The following ANK3 variants were observed in gnomAD, a reference collection of about 807,000 sequenced individuals.
ANK3 encodes the protein ankyrin 3.
Under a neutral mutation model 370.9 loss-of-function variants are expected in ANK3, and 57 were observed. The ratio of observed to expected loss-of-function variants is 0.15; its 90% confidence interval spans 0.12 to 0.19. ANK3 has a LOEUF of 0.19. Among genes scored for constraint, ANK3 ranks in the 10% least tolerant of loss-of-function variants. ANK3 has a pLI of 1.00. For missense variants in ANK3, 4,439 were observed against 5,302.1 expected, an observed-to-expected ratio of 0.84 and a Z score of 5.06; for synonymous variants, 1,929 against 1,946.3, an observed-to-expected ratio of 0.99 and a Z score of 0.23.
intron 2 of ANK3, among the ~76,000 whole-genome samples, chr10:60,467,116 A>C (rs1343558459): frequency 6.6e-6 from 1 of 152,230 alleles, no homozygotes. Flanking sequence ...GAAAATATGG[A>C]GAGTGAAACT....
At chr10:60,650,237 G>T (rs1234803453) in intron 1 of ANK3, among the ~76,000 whole-genome samples, 1 of 152,052 alleles carries the variant, frequency 6.6e-6, no homozygotes, top group Non-Finnish European at 1.5e-5. Context: ...TTTTGTAAAC[G>T]AAGTTCTGTT....
In ANK3 at chr10:60,073,379, C is replaced by T. The variant is rs773937543; in HGVS notation, c.7502G>A (p.Arg2501Gln). The T allele has an allele frequency of 9.1e-5, 147 of 1,613,550 alleles. No individual in the cohort carries two copies. The highest frequency in any genetic ancestry group is 1.8e-4 in the East Asian group (8 of 44,886). ...GGCAGTGGCTATTTTTTCTCTGGAC[C>T]GCTTATCAGACCCCTGTAACTCTGA... is the stretch of plus-strand genomic sequence containing the variant. ...PSSELQGSDK[R>Q]SREKIATAPK... The change falls in exon 37 of 44, where the codon CGG becomes CAG. Residue 2501 changes from arginine (R) to glutamine (Q), a missense_variant. Arg to Gln is a conservative substitution (Grantham distance 43). Transcript: ENST00000280772.
intron 2 of ANK3, among the ~76,000 whole-genome samples, chr10:60,573,342 T>C (rs1319648834): frequency 6.6e-6 from 1 of 152,128 alleles, no homozygotes; most frequent in Non-Finnish European, 1.5e-5. Flanking sequence ...ATTTAATCAT[T>C]GGTTTCCTTC....
intron 2 of ANK3, among the ~76,000 whole-genome samples, chr10:60,414,664 A>T (rs1215657167): frequency 2.6e-5 from 4 of 152,174 alleles, no homozygotes; most frequent in Non-Finnish European, 5.9e-5. Context: ...ACTACCAGAG[A>T]AGGGTAGATG....
intron 1 of ANK3, among the ~76,000 whole-genome samples, chr10:60,636,347 A>T (rs1309600780): frequency 1.3e-5 from 2 of 152,210 alleles, no homozygotes; most frequent in Admixed American, 1.3e-4. Context: ...GACTTGACCA[A>T]GATTGCTAAA....
intron 1 of ANK3, among the ~76,000 whole-genome samples, chr10:60,695,773 G>A (rs1213960400): frequency 1.3e-5 from 2 of 152,216 alleles, no homozygotes; most frequent in East Asian, 3.8e-4. Flanking sequence ...GAAATTTATA[G>A]CACTAAATGC....
chr10:60,573,568 C>G (rs905627662), intron 2 of ANK3, among the ~76,000 whole-genome samples: 1 of 152,164 alleles, frequency 6.6e-6, no homozygotes, highest in South Asian at 2.1e-4. Flanking sequence ...ATCCTGAGCC[C>G]CAGGAATCTG....
chr10:60,339,791 TGGAGCGGCAAGA>T (rs1328499764), intron 1 of ANK3, among the ~76,000 whole-genome samples: 2 of 152,204 alleles, frequency 1.3e-5, no homozygotes, highest in African/African-American at 4.8e-5. Flanking sequence ...TAGGAATTAC[TGGAGCGGCAAGA>T]ACAGCAGCAG....
chr10:60,660,433 C>G (rs1465611892), intron 1 of ANK3, among the ~76,000 whole-genome samples: 1 of 152,284 alleles, frequency 6.6e-6, no homozygotes, highest in South Asian at 2.1e-4. Context: ...ATTGTTGCAA[C>G]AGTAATCATA....
chr10:60,456,508 C>T (rs2064750933), intron 2 of ANK3, among the ~76,000 whole-genome samples: 1 of 152,152 alleles, frequency 6.6e-6, no homozygotes, highest in Non-Finnish European at 1.5e-5. Flanking sequence ...CCTGTCCTGA[C>T]ACTATTCGCC....
intron 28 of ANK3, 121 bp from the exon 29 acceptor site, chr10:60,088,479 G>C: frequency 2.3e-6 from 2 of 855,164 alleles, no homozygotes; most frequent in Non-Finnish European, 3.6e-6. Context: ...AGGCTGAAGT[G>C]CAATGGCGTG....
intron 8 of ANK3, among the ~76,000 whole-genome samples, chr10:60,214,786 T>C (rs1185705979): frequency 1.3e-5 from 2 of 152,182 alleles, no homozygotes; most frequent in African/African-American, 4.8e-5. Context: ...GTTGGTTTCA[T>C]GTCTTTGCTA....
intron 2 of ANK3, among the ~76,000 whole-genome samples, chr10:60,528,879 T>A (rs985321237): frequency 1.3e-5 from 2 of 152,002 alleles, no homozygotes; most frequent in Admixed American, 1.3e-4. Flanking sequence ...AGATGCTGAG[T>A]TTTTACTAGT....
chr10:60,263,398 G>A (rs946472406), intron 6 of ANK3, among the ~76,000 whole-genome samples: 3 of 152,182 alleles, frequency 2.0e-5, no homozygotes, highest in Admixed American at 1.3e-4. Flanking sequence ...TTTGGCTGCG[G>A]CTCTCTTGCT....
rs79060296 is a variant in ANK3 at position 60,591,303 on chromosome 10, TTTTATTTATTTATTTATTTA to T, written c.96+23863_96+23882del. Among the ~76,000 whole-genome samples, 66 of 137,588 alleles carry T rather than the reference TTTTATTTATTTATTTATTTA, an allele frequency of 4.8e-4. 3 individuals are homozygous for T. The highest frequency in any genetic ancestry group is 3.4e-3 in the East Asian group (16 of 4,756). 90.3% of individuals were successfully genotyped at this position (137,588 alleles called of 152,430 possible). The stretch of plus-strand genomic sequence containing the variant: ...CCGTTATTTTTTATTTTTATTTTTA[TTTTATTTATTTATTTATTTA>T]TTTATTTATTTATTTATTTATTTAT... On this transcript the variant is annotated intron_variant, in intron 2 of 43. Transcript: ENST00000373827.
intron 7 of ANK3, 106 bp from the exon 8 acceptor site, chr10:60,234,892 A>C (rs1442354575): frequency 1.9e-5 from 13 of 701,488 alleles, no homozygotes; most frequent in Non-Finnish European, 2.8e-5. Context: ...TCCTTTTCTA[A>C]ACATCCTTTA....
upstream of ANK3, chr10:60,389,922 G>T: frequency 1.1e-6 from 1 of 924,008 alleles, no homozygotes; most frequent in Non-Finnish European, 1.3e-6. Flanking sequence ...TCTCCAAAGG[G>T]GAAGAATCAA....
rs72807903 is a variant in ANK3 at position 60,451,992 on chromosome 10, G to A, written c.96+163194C>T. On this transcript the variant is annotated intron_variant, in intron 2 of 43. Transcript: ENST00000373827. The stretch of plus-strand genomic sequence containing the variant: ...TCTCACCAGCACATGGATGTGAGGC[G>A]CATTCGCTCTGTCTCGCTCTATAAA... 5.3e-3 allele frequency among the ~76,000 whole-genome samples: 813 copies of A among 152,314 alleles called. 4 individuals carry two copies. The highest frequency in any genetic ancestry group is 0.01 in the South Asian group (50 of 4,820).
In ANK3 at chr10:60,139,104, T is replaced by A; in HGVS notation, c.2615-17A>T. On this transcript the variant is annotated splice_polypyrimidine_tract_variant and intron_variant, in intron 23 of 43. Coordinates refer to ENST00000280772, the MANE Select transcript of ANK3 (RefSeq NM_020987.5). The stretch of plus-strand genomic sequence containing the variant: ...CATCTTCACCTGCAGATGTAGAGAG[T>A]AAGCCCACATCAAAAGCTTCCCTTT... 6.2e-7 allele frequency: 1 copy of A among 1,608,540 alleles called. No individual in the cohort carries two copies. The highest frequency in any genetic ancestry group is 8.5e-7 in the Non-Finnish European group (1 of 1,177,950).
Sources: gnomAD v4.1 joint callset for allele counts (sites outside exome capture counted in the v4.1 genomes callset) on GRCh38, gnomAD v4.1.1 for gene constraint, MANE v1.5 for transcripts, NCBI Gene and HGNC (gene_info 2026-07-23, HGNC 2026-07-21) for gene names.